The following OSBPL6 variants were observed in gnomAD, a reference collection of about 807,000 sequenced individuals.
OSBPL6 encodes oxysterol binding protein like 6, also known as oxysterol-binding protein-related protein 6.
Under a neutral mutation model 125.8 loss-of-function variants are expected in OSBPL6, and 49 were observed. That is an observed-to-expected ratio of 0.39 (90% CI 0.31 to 0.49). The LOEUF is 0.49. OSBPL6 is among the 20% of genes least tolerant of loss of function. OSBPL6 has a pLI of 0.88. For synonymous variants in OSBPL6, 394 were observed against 391.8 expected, an observed-to-expected ratio of 1.01 and a Z score of -0.07; for missense variants, 986 against 1,135.4, an observed-to-expected ratio of 0.87 and a Z score of 1.89.
At chr2:178,347,749 A>G (rs1353363592) in intron 11 of OSBPL6, among the ~76,000 whole-genome samples, 1 of 152,202 alleles carries the variant, frequency 6.6e-6, no homozygotes, top group East Asian at 1.9e-4. Context: ...CAGCCTGATA[A>G]TATTGATAAA....
At chr2:178,348,806 A>T (rs1690967606) in intron 11 of OSBPL6, among the ~76,000 whole-genome samples, 1 of 152,212 alleles carries the variant, frequency 6.6e-6, no homozygotes, top group South Asian at 2.1e-4. Flanking sequence ...GCATCTCTTG[A>T]ATTTTCACAG....
intron 1 of OSBPL6, among the ~76,000 whole-genome samples, chr2:178,264,718 T>A (rs570154166): frequency 6.6e-6 from 1 of 152,300 alleles, no homozygotes; most frequent in African/African-American, 2.4e-5. Context: ...TGTATAGACC[T>A]CAAAGGGAAT....
chr2:178,329,271 C>T (rs1378604121), intron 5 of OSBPL6, among the ~76,000 whole-genome samples: 1 of 152,188 alleles, frequency 6.6e-6, no homozygotes, highest in African/African-American at 2.4e-5. Flanking sequence ...TCCCAACATC[C>T]TTGTCCTATC....
At chr2:178,217,430 G>A (rs7577927) in intron 1 of OSBPL6, among the ~76,000 whole-genome samples, 1,704 of 152,264 alleles carry the variant, frequency 0.011, 30 homozygotes, top group African/African-American at 0.04. Flanking sequence ...ATTGTCCGAG[G>A]TGTATACTCG....
At position 178,389,104 on chromosome 2, in the gene OSBPL6, T is replaced by G. The variant is rs1695186479; in HGVS notation, c.2252T>G (p.Ile751Ser). The G allele has an allele frequency of 6.2e-7, 1 of 1,613,930 alleles. No homozygotes were observed. Among genetic ancestry groups the G allele is most frequent in the Non-Finnish European group, 8.5e-7 (1 of 1,179,954 alleles). Residue 751 changes from isoleucine (I) to serine (S), a missense_variant, in exon 21 of 25, where the codon ATC (isoleucine) becomes AGC (serine). Ile to Ser is a moderately radical substitution (Grantham distance 142). Transcript: ENST00000190611. ...ATAGAACATTATGGAGAAGTAACCA[T>G]CAGAAATACCAAAAGCAGTGTTTGC... ...RWIEHYGEVT[I>S]RNTKSSVCIC...
intron 2 of OSBPL6, among the ~76,000 whole-genome samples, chr2:178,294,693 A>G (rs1249528379): frequency 6.6e-6 from 1 of 150,486 alleles, no homozygotes; most frequent in Non-Finnish European, 1.5e-5. Context: ...AACCATTGTA[A>G]GTTAGTTTCG....
At chr2:178,331,447 C>T (rs1038706301) in intron 5 of OSBPL6, 105 bp from the exon 6 acceptor site, 8 of 1,188,452 alleles carry the variant, frequency 6.7e-6, no homozygotes, top group Non-Finnish European at 8.8e-6. Flanking sequence ...TTAAAATGAT[C>T]AAACATATTG....
At chr2:178,296,191 TG>T (rs1685734116) in intron 2 of OSBPL6, among the ~76,000 whole-genome samples, 2 of 152,188 alleles carry the variant, frequency 1.3e-5, no homozygotes, top group Non-Finnish European at 2.9e-5. Flanking sequence ...CAAGCATAGA[TG>T]AACTCAAGAA....
At chr2:178,262,044 G>A (rs1553536800) in intron 1 of OSBPL6, among the ~76,000 whole-genome samples, 1 of 151,072 alleles carries the variant, frequency 6.6e-6, no homozygotes, top group Non-Finnish European at 1.5e-5. Context: ...AATGTGTAAG[G>A]CATTTTGGTT....
intron 13 of OSBPL6, among the ~76,000 whole-genome samples, chr2:178,364,665 G>T (rs1692646886): frequency 6.6e-6 from 1 of 152,156 alleles, no homozygotes; most frequent in Non-Finnish European, 1.5e-5. Context: ...GAGCTGGTTT[G>T]CTTTAGGTAT....
intron 1 of OSBPL6, among the ~76,000 whole-genome samples, chr2:178,227,942 G>A (rs1039374212): frequency 1.3e-5 from 2 of 152,046 alleles, no homozygotes; most frequent in African/African-American, 4.8e-5. Context: ...GTGTGAATGA[G>A]GGCAGCCTTC....
chr2:178,333,290 C>T (rs1368125557), intron 8 of OSBPL6, among the ~76,000 whole-genome samples: 2 of 152,130 alleles, frequency 1.3e-5, no homozygotes, highest in East Asian at 1.9e-4. Flanking sequence ...GAGGCTGAAG[C>T]ACGAAAATTG....
chr2:178,332,479 C>T (rs972490732), intron 6 of OSBPL6, among the ~76,000 whole-genome samples, 162 bp from the exon 7 acceptor site: 2 of 152,174 alleles, frequency 1.3e-5, no homozygotes, highest in Non-Finnish European at 2.9e-5. Context: ...GTCCTAGAAC[C>T]TAATCCATAG....
chr2:178,376,630 C>G (rs929850852), intron 15 of OSBPL6, among the ~76,000 whole-genome samples: 1 of 152,138 alleles, frequency 6.6e-6, no homozygotes. Flanking sequence ...GACACTGTAT[C>G]CAGTGTCCTT....
intron 19 of OSBPL6, 96 bp downstream of exon 19, chr2:178,385,617 C>A: frequency 1.1e-6 from 1 of 928,696 alleles, no homozygotes; most frequent in Non-Finnish European, 1.7e-6. Flanking sequence ...AGATTTCTAC[C>A]TTTGGAACTC....
intron 2 of OSBPL6, among the ~76,000 whole-genome samples, chr2:178,286,466 T>C (rs924838308): frequency 4.6e-5 from 7 of 152,232 alleles, no homozygotes; most frequent in Non-Finnish European, 8.8e-5. Context: ...TATTTTAGCA[T>C]TTATTATTTT....
chr2:178,302,980 A>G (rs35274210), intron 2 of OSBPL6, among the ~76,000 whole-genome samples: 2,873 of 152,302 alleles, frequency 0.019, 51 homozygotes, highest in Non-Finnish European at 0.029. Flanking sequence ...GTCAGTATCT[A>G]CTTGTAAAAC....
intron 2 of OSBPL6, among the ~76,000 whole-genome samples, chr2:178,287,428 C>G (rs1314469370): frequency 2.6e-5 from 4 of 152,130 alleles, no homozygotes; most frequent in Admixed American, 6.6e-5. Flanking sequence ...TTACTTTGCT[C>G]CATCTCATGG....
chr2:178,288,552 G>A (rs1684925590), intron 2 of OSBPL6, among the ~76,000 whole-genome samples: 1 of 151,782 alleles, frequency 6.6e-6, no homozygotes, highest in Non-Finnish European at 1.5e-5. Context: ...GTAAAAGTAT[G>A]TATAACTGTA....
Sources: allele counts gnomAD v4.1 joint callset (sites outside exome capture counted in the v4.1 genomes callset), GRCh38; gene constraint gnomAD v4.1.1; transcripts MANE v1.5; gene names NCBI Gene and HGNC (gene_info 2026-07-23, HGNC 2026-07-21).